The following ANK2 variants were observed in gnomAD, a reference collection of about 807,000 sequenced individuals.
The protein encoded by ANK2 is ankyrin 2.
Under a neutral mutation model 360.5 loss-of-function variants are expected in ANK2, and 83 were observed. The observed-to-expected ratio is 0.23, with a 90% confidence interval of 0.19 to 0.28. The LOEUF is 0.28. ANK2 is among the 10% of genes least tolerant of loss of function. The pLI, the probability that ANK2 is intolerant of heterozygous loss-of-function variation, is 1.00. For missense variants in ANK2, 4,201 were observed against 4,795.7 expected (o/e 0.88, Z 3.66); for synonymous variants, 1,740 against 1,759.5 (o/e 0.99, Z 0.28).
intron 37 of ANK2, among the ~76,000 whole-genome samples, chr4:113,351,952 A>G (rs2095438388): frequency 6.6e-6 from 1 of 152,216 alleles, no homozygotes. Context: ...AGAAGAGTTT[A>G]CTGAGTTTTC....
chr4:113,255,907 G>A lies in ANK2; in HGVS notation c.1163G>A (p.Arg388Lys), dbSNP rs200799668. The change falls in exon 11 of 46, where the codon AGA becomes AAA. Residue 388 changes from arginine (R) to lysine (K), a missense_variant. By Grantham distance (26) the Arg-to-Lys change is conservative. Coordinates refer to ENST00000357077, the MANE Select transcript of ANK2 (RefSeq NM_001148.6). ...GTAACCAAACTCCTTTTAGACAAGA[G>A]AGCCAATCCGAACGCCAGAGCCCTG... ...YRVTKLLLDK[R>K]ANPNARALNG... is the part of the protein sequence containing the mutation. The A allele has an allele frequency of 1.9e-6, 3 of 1,614,184 alleles. No homozygotes were observed. Among genetic ancestry groups the A allele is most frequent in the East Asian group, 4.5e-5 (2 of 44,884 alleles).
intron 1 of ANK2, chr4:112,881,919 T>G (rs2076801058): frequency 1.4e-6 from 1 of 694,626 alleles, no homozygotes; most frequent in East Asian, 2.6e-5. Flanking sequence ...ATCCACCTTG[T>G]GTGGCTTTGC....
intron 2 of ANK2, among the ~76,000 whole-genome samples, chr4:113,007,634 A>G (rs937354167): frequency 6.6e-6 from 1 of 152,200 alleles, no homozygotes; most frequent in Non-Finnish European, 1.5e-5. Flanking sequence ...CGATTGCTAA[A>G]CAGTGAATAT....
intron 2 of ANK2, among the ~76,000 whole-genome samples, chr4:112,948,744 T>C (rs1198917604): frequency 6.6e-6 from 1 of 152,186 alleles, no homozygotes; most frequent in Non-Finnish European, 1.5e-5. Flanking sequence ...ACGTTATTGT[T>C]ATATGCAGTT....
chr4:112,947,213 C>T (rs562641473), intron 2 of ANK2, among the ~76,000 whole-genome samples: 30 of 152,050 alleles, frequency 2.0e-4, no homozygotes, highest in Admixed American at 3.3e-4. Flanking sequence ...TTTTATGAAG[C>T]GTAGTTACTT....
rs574106247 is a variant in ANK2 at position 113,036,958 on chromosome 4, G to C, written c.21+132444G>C. On this transcript the variant is annotated intron_variant, in intron 2 of 30. Transcript: ENST00000503271. ...GTTTCTCTCTGGTACACAGCCTGCT[G>C]AATGTGCTGGCATCCATCTAGCCTG... 5.3e-5 allele frequency among the ~76,000 whole-genome samples: 8 copies of C among 152,074 alleles called. No homozygotes were observed. The East Asian group carries it at 1.6e-3, about 30-fold the overall frequency.
intron 1 of ANK2, among the ~76,000 whole-genome samples, chr4:112,877,302 T>A (rs2075386987): frequency 6.6e-6 from 1 of 152,240 alleles, no homozygotes; most frequent in Non-Finnish European, 1.5e-5. Context: ...AGGAGAATGT[T>A]CTGCTGTCTG....
At chr4:113,343,501 CAA>C (rs1411284566) in intron 34 of ANK2, among the ~76,000 whole-genome samples, 4 of 152,166 alleles carry the variant, frequency 2.6e-5, no homozygotes, top group African/African-American at 4.8e-5. Flanking sequence ...GTGTGGAGAT[CAA>C]AAGAGTTCTA....
chr4:113,177,124 G>A (rs1393911405), intron 2 of ANK2, among the ~76,000 whole-genome samples: 1 of 152,180 alleles, frequency 6.6e-6, no homozygotes, highest in African/African-American at 2.4e-5. Flanking sequence ...TAGGTTTCCA[G>A]GCTGGAGTGC....
At chr4:112,951,599 G>T (rs865946456) in intron 2 of ANK2, among the ~76,000 whole-genome samples, 1 of 151,918 alleles carries the variant, frequency 6.6e-6, no homozygotes, top group Non-Finnish European at 1.5e-5. Flanking sequence ...TATTGTTCGA[G>T]ATTATGGTTT....
the ANK2 span, among the ~76,000 whole-genome samples, chr4:112,723,332 C>T: frequency 6.6e-6 from 1 of 152,200 alleles, no homozygotes; most frequent in Non-Finnish European, 1.5e-5. Flanking sequence ...TGGGTGCAAG[C>T]CACCACACCT....
At chr4:113,119,416 G>C (rs570189337) in intron 1 of ANK2, among the ~76,000 whole-genome samples, 1 of 110,810 alleles carries the variant, frequency 9.0e-6, no homozygotes, top group Non-Finnish European at 1.9e-5. Context: ...CACTGAACCA[G>C]TTTTCAATTT....
chr4:113,330,506 G>A (rs541684593), intron 27 of ANK2, 36 bp downstream of exon 27: 11 of 1,599,944 alleles, frequency 6.9e-6, no homozygotes, highest in Middle Eastern at 1.7e-4. Flanking sequence ...CTTAGTCATC[G>A]ATGAGCTTGT....
chr4:113,335,664 G>T (rs2093427523), intron 29 of ANK2, among the ~76,000 whole-genome samples, 182 bp from the exon 30 acceptor site: 1 of 152,134 alleles, frequency 6.6e-6, no homozygotes, highest in Non-Finnish European at 1.5e-5. Context: ...TTGAAATATT[G>T]CAATTTTTTG....
chr4:112,906,849 G>A (rs978180040), intron 2 of ANK2, among the ~76,000 whole-genome samples: 1 of 152,082 alleles, frequency 6.6e-6, no homozygotes, highest in East Asian at 1.9e-4. Context: ...GGAATTTGTA[G>A]TATCATCAAA....
At chr4:113,116,741 T>C (rs941667723) in intron 1 of ANK2, among the ~76,000 whole-genome samples, 1 of 152,216 alleles carries the variant, frequency 6.6e-6, no homozygotes, top group East Asian at 1.9e-4. Context: ...TTAGCGAGAC[T>C]GCACCATTTT....
chr4:112,986,741 G>A (rs1323174905), intron 2 of ANK2, among the ~76,000 whole-genome samples: 8 of 152,154 alleles, frequency 5.3e-5, no homozygotes, highest in Admixed American at 4.6e-4. Context: ...AATATCAAAT[G>A]GGGAAAAATT....
At chr4:112,835,017 C>G (rs1222295598) in intron 1 of ANK2, among the ~76,000 whole-genome samples, 1 of 152,150 alleles carries the variant, frequency 6.6e-6, no homozygotes, top group Non-Finnish European at 1.5e-5. Context: ...GGGGTGCTTG[C>G]TCTGCTCTTC....
At position 112,830,920 on chromosome 4, in the gene ANK2, A is replaced by G. The variant is rs1010507831; in HGVS notation, c.-40+12656A>G. On this transcript the variant is annotated intron_variant, in intron 1 of 30. Coordinates refer to the ANK2 transcript ENST00000503271. ...CTCAGAACGGCTGGCTGGAGCCACC[A>G]GCCCCAGGCAGTGAGGGGCTTAGCA... 6.6e-5 allele frequency among the ~76,000 whole-genome samples: 10 copies of G among 152,208 alleles called. No homozygotes were observed. The South Asian group carries it at 2.1e-3, about 31-fold the overall frequency.
Sources: allele counts gnomAD v4.1 joint callset (sites outside exome capture counted in the v4.1 genomes callset), GRCh38; gene constraint gnomAD v4.1.1; transcripts MANE v1.5; gene names NCBI Gene and HGNC (gene_info 2026-07-23, HGNC 2026-07-21).